LIMCH1: variants seen among roughly 807,000 people sequenced by gnomAD.
LIMCH1 encodes LIM and calponin homology domains-containing protein 1.
In LIMCH1, 113 loss-of-function variants were observed where a neutral mutation model predicts 176.5. The observed-to-expected ratio is 0.64, with a 90% confidence interval of 0.55 to 0.75. LIMCH1 has a LOEUF of 0.75. LIMCH1 is among the 30% of genes least tolerant of loss of function. LIMCH1 has a pLI of 0.00. For synonymous variants in LIMCH1, 619 were observed against 645.9 expected (o/e 0.96, Z 0.63); for missense variants, 1,674 against 1,814.9 (o/e 0.92, Z 1.41).
At chr4:41,544,567 A>T (rs933727444) in intron 1 of LIMCH1, among the ~76,000 whole-genome samples, 1 of 152,104 alleles carries the variant, frequency 6.6e-6, no homozygotes, top group Non-Finnish European at 1.5e-5. Flanking sequence ...TCCATTACCT[A>T]GTTACCTGGT....
intron 21 of LIMCH1, among the ~76,000 whole-genome samples, chr4:41,669,984 T>C (rs2094957892): frequency 6.6e-6 from 1 of 152,194 alleles, no homozygotes; most frequent in Admixed American, 6.5e-5. Flanking sequence ...TCGACCCTAA[T>C]GATGTTCCAC....
intron 7 of LIMCH1, among the ~76,000 whole-genome samples, chr4:41,623,228 A>G (rs1561961832): frequency 6.6e-6 from 1 of 152,218 alleles, no homozygotes; most frequent in African/African-American, 2.4e-5. Flanking sequence ...ATACGCTGAT[A>G]TCTCTCGAGG....
Position 41,697,365 on chromosome 4 carries a change from T to G in LIMCH1, c.*180T>G, listed in dbSNP as rs1731427957. 8.8e-6 allele frequency: 5 copies of G among 570,478 alleles called. No homozygotes were observed. In the South Asian group the frequency reaches 1.3e-4, roughly 14 times the overall value. The allele number at this position is 570,478 out of a possible 1,614,324, so 35.3% of individuals were successfully genotyped here. A position where few individuals can be genotyped will look rare whatever the true frequency, so the allele number is the denominator to read the frequency against. On this transcript the variant is annotated 3_prime_UTR_variant, in exon 32 of 32. Transcript: ENST00000503057. ...GTGTTTATGTTTTTCCTGTTTATTGTTTTGGTTTTTTTTTTTTTTTTGCAT... is the reference window on the plus strand; with the variant it reads ...GTGTTTATGTTTTTCCTGTTTATTGGTTTGGTTTTTTTTTTTTTTTTGCAT...
chr4:41,506,171 G>A (rs964264339), intron 2 of LIMCH1, among the ~76,000 whole-genome samples: 1 of 152,204 alleles, frequency 6.6e-6, no homozygotes, highest in African/African-American at 2.4e-5. Context: ...GACCAATAAA[G>A]AATGTCTTAG....
Position 41,698,947 on chromosome 4 carries a change from C to T in LIMCH1, c.*1762C>T, listed in dbSNP as rs1028577818. The T allele has an allele frequency of 1.3e-5, 2 of 151,418 alleles. No homozygotes were observed. The highest frequency in any genetic ancestry group is 2.9e-5 in the Non-Finnish European group (2 of 67,824). The allele number at this position is 151,418 out of a possible 1,614,324, so 9.4% of individuals were successfully genotyped here. On this transcript the variant is annotated 3_prime_UTR_variant, in exon 32 of 32. Transcript: ENST00000503057. ...TCACTTCCAAGTTTCCAAGACTTCTCATGGAGGTGTTTGCTGTTTTACAGG... is the reference window on the plus strand; with the variant it reads ...TCACTTCCAAGTTTCCAAGACTTCTTATGGAGGTGTTTGCTGTTTTACAGG...
chr4:41,499,096 G>A (rs908332498), intron 2 of LIMCH1, among the ~76,000 whole-genome samples: 1 of 152,142 alleles, frequency 6.6e-6, no homozygotes, highest in Non-Finnish European at 1.5e-5. Flanking sequence ...TTGAGTTTGG[G>A]CAGTGCAAAA....
intron 1 of LIMCH1, among the ~76,000 whole-genome samples, chr4:41,431,970 C>G (rs1181191778): frequency 6.6e-6 from 1 of 152,124 alleles, no homozygotes; most frequent in Non-Finnish European, 1.5e-5. Context: ...TCTATGAAAT[C>G]ATAATTAATC....
At chr4:41,666,768 C>A in intron 21 of LIMCH1, 102 bp downstream of exon 21, 1 of 765,152 alleles carries the variant, frequency 1.3e-6, no homozygotes. Context: ...TGTTGCTATT[C>A]CTTTAGCCAG....
intron 1 of LIMCH1, chr4:41,551,020 A>G (rs1203291904): frequency 2.0e-5 from 3 of 152,204 alleles, no homozygotes; most frequent in East Asian, 3.9e-4. Flanking sequence ...TATTCTTAAC[A>G]TCTAGGTTTA....
At chr4:41,670,667 C>T (rs1299542793) in intron 21 of LIMCH1, 64 of 1,362,658 alleles carry the variant, frequency 4.7e-5, no homozygotes, top group Admixed American at 2.2e-4. Flanking sequence ...ATTCAGTTCT[C>T]ACCCCAGTTT....
chr4:41,620,799 C>A, intron 7 of LIMCH1, 109 bp downstream of exon 7: 2 of 1,250,504 alleles, frequency 1.6e-6, no homozygotes, highest in Non-Finnish European at 2.2e-6. Context: ...TCCCGCTTTT[C>A]CTATTGCATC....
intron 30 of LIMCH1, among the ~76,000 whole-genome samples, chr4:41,691,553 C>A (rs894660744): frequency 2.0e-5 from 3 of 149,738 alleles, no homozygotes; most frequent in African/African-American, 7.4e-5. Flanking sequence ...TCGAGACCAG[C>A]CTGGCCAACA....
At chr4:41,376,783 G>A (rs964785901) in intron 1 of LIMCH1, among the ~76,000 whole-genome samples, 6 of 152,004 alleles carry the variant, frequency 3.9e-5, no homozygotes, top group Admixed American at 6.6e-5. Context: ...TTACGTTTTC[G>A]TTCATTAAGT....
At chr4:41,364,051 C>T (rs1468876789) in intron 1 of LIMCH1, among the ~76,000 whole-genome samples, 2 of 152,148 alleles carry the variant, frequency 1.3e-5, no homozygotes, top group African/African-American at 2.4e-5. Context: ...CTGGATGACC[C>T]TGAGCAAGCT....
At chr4:41,637,078 T>G (rs1162258698) in intron 13 of LIMCH1, among the ~76,000 whole-genome samples, 1 of 152,244 alleles carries the variant, frequency 6.6e-6, no homozygotes. Flanking sequence ...CATAGATAAC[T>G]TAGAAAACAC....
chr4:41,609,545 G>T (rs1049998738), intron 4 of LIMCH1: 2 of 428,084 alleles, frequency 4.7e-6, no homozygotes, highest in Non-Finnish European at 9.4e-6. Context: ...AAAGGGAGCA[G>T]AAAATGTTGA....
chr4:41,660,065 TCTTA>T (rs1210903342), intron 18 of LIMCH1, among the ~76,000 whole-genome samples: 1 of 152,140 alleles, frequency 6.6e-6, no homozygotes, highest in Non-Finnish European at 1.5e-5. Flanking sequence ...TTTTGTATTT[TCTTA>T]CTATCTTTTT....
At chr4:41,695,450 T>C (rs951365531) in intron 31 of LIMCH1, among the ~76,000 whole-genome samples, 14 of 151,912 alleles carry the variant, frequency 9.2e-5, no homozygotes, top group African/African-American at 3.4e-4. Flanking sequence ...TATCACTGAA[T>C]GAATAACCCC....
At chr4:41,569,519 C>G (rs1385679960) in intron 1 of LIMCH1, among the ~76,000 whole-genome samples, 2 of 152,092 alleles carry the variant, frequency 1.3e-5, no homozygotes, top group Non-Finnish European at 2.9e-5. Context: ...TACTTGGAAA[C>G]GCGAAGTAAA....
Sources: allele counts gnomAD v4.1 joint callset (sites outside exome capture counted in the v4.1 genomes callset), GRCh38; gene constraint gnomAD v4.1.1; transcripts MANE v1.5; gene names NCBI Gene and HGNC (gene_info 2026-07-23, HGNC 2026-07-21).